Variants in SCARB1 observed in about 807,000 individuals in gnomAD.
The protein encoded by SCARB1 is CD36 and LIMPII analogous 1.
In SCARB1, 30 loss-of-function variants were observed where a neutral mutation model predicts 57.2. That is an observed-to-expected ratio of 0.52 (90% confidence interval 0.39 to 0.71). SCARB1 has a LOEUF of 0.71. Ranked by LOEUF, SCARB1 falls within the 30% of genes least tolerant of loss-of-function variation. The probability of loss-of-function intolerance (pLI) is 0.00; values close to 1 mark genes in which losing one functional copy is unlikely to be tolerated. For missense variants in SCARB1, 543 were observed against 671.2 expected, an observed-to-expected ratio of 0.81 and a Z score of 2.11; for synonymous variants, 249 against 268.3, an observed-to-expected ratio of 0.93 and a Z score of 0.70.
chr12:124,856,209 T>G (rs1345887564), intron 1 of SCARB1, among the ~76,000 whole-genome samples: 3 of 152,220 alleles, frequency 2.0e-5, no homozygotes, highest in Non-Finnish European at 4.4e-5. Flanking sequence ...CATAAACACG[T>G]GTGTTCATGT....
chr12:124,854,004 G>A (rs1379071293), intron 1 of SCARB1, among the ~76,000 whole-genome samples: 1 of 152,190 alleles, frequency 6.6e-6, no homozygotes, highest in Non-Finnish European at 1.5e-5. Context: ...CTTGGGTCAC[G>A]GCAACGAATA....
intron 1 of SCARB1, among the ~76,000 whole-genome samples, chr12:124,858,832 T>A (rs1347281258): frequency 6.7e-6 from 1 of 150,076 alleles, no homozygotes; most frequent in Admixed American, 6.7e-5. Context: ...TGAGCCGAGA[T>A]CGCACCACTG....
At position 124,798,160 on chromosome 12, in the gene SCARB1, C is replaced by G. The variant is rs148886901; in HGVS notation, c.1128+1964G>C. On this transcript the variant is annotated intron_variant, in intron 8 of 12. Transcript: ENST00000261693. ...GCGCGGCGGCTCACGCCTGGAATCCCAGCACTTTGGGAGGCCGAGGTGGAC... is the reference window on the plus strand; with the variant it reads ...GCGCGGCGGCTCACGCCTGGAATCCGAGCACTTTGGGAGGCCGAGGTGGAC... 2.5e-3 allele frequency among the ~76,000 whole-genome samples: 385 copies of G among 152,352 alleles called. 2 individuals carry two copies. Among genetic ancestry groups the G allele is most frequent in the African/African-American group, 8.6e-3 (357 of 41,582 alleles).
Position 124,814,982 on chromosome 12 carries a change from G to T in SCARB1, c.417C>A (p.Ile139=). 4 of 1,614,180 alleles carry T rather than the reference G, an allele frequency of 2.5e-6. No homozygotes were observed. The highest frequency in any genetic ancestry group is 3.3e-4 in the Middle Eastern group (2 of 6,062). ...SESDYIVMPN[I]LVLGAAVMME... ...CACAGGGCAGCCTCACCAAGACCAG[G>T]ATGTTGGGCATGACGATGTAGTCGC... Residue 139 remains isoleucine, a synonymous_variant, in exon 3 of 13, where the codon ATC becomes ATA. Transcript: ENST00000261693. The surrounding 1 kb of genome is among the most constrained non-coding windows in gnomAD (Gnocchi z 4.7).
In SCARB1 at chr12:124,788,833, A is replaced by G. The variant is rs116353119; in HGVS notation, c.1203-1376T>C. On this transcript the variant is annotated intron_variant, in intron 9 of 12. Coordinates refer to ENST00000261693, the MANE Select transcript of SCARB1 (RefSeq NM_005505.5). ...CCTAGAGATGCTCACACATGCACAC[A>G]GAGGCACAAAGATGTTCAGTGTTGC... is the stretch of plus-strand genomic sequence containing the variant. Among the ~76,000 whole-genome samples the G allele has an allele frequency of 5.5e-3, 832 of 152,358 alleles. 3 individuals are homozygous for G. The highest frequency in any genetic ancestry group is 0.019 in the African/African-American group (800 of 41,586).
chr12:124,863,768 G>T lies in SCARB1; in HGVS notation c.-48C>A, dbSNP rs1173016891. On this transcript the variant is annotated 5_prime_UTR_variant, in exon 1 of 13. Transcript: ENST00000261693. ...CGCGGCTCGCAGGGCTCCGCGCCTG[G>T]CAGGAGACGGGGACGGCGACAGAGA... The T allele has an allele frequency of 1.9e-5, 26 of 1,399,262 alleles. No individual in the cohort carries two copies. The highest frequency in any genetic ancestry group is 3.4e-5 in the Admixed American group (1 of 29,400). 86.7% of individuals were successfully genotyped at this position (1,399,262 alleles called of 1,614,324 possible).
intron 2 of SCARB1, 126 bp from the exon 3 acceptor site, chr12:124,815,240 G>A: frequency 4.5e-6 from 5 of 1,100,092 alleles, no homozygotes. Context: ...CGGCCCCACA[G>A]CCAAAGCTGA....
At chr12:124,824,233 C>A (rs950078431) in intron 1 of SCARB1, among the ~76,000 whole-genome samples, 5 of 151,612 alleles carry the variant, frequency 3.3e-5, no homozygotes, top group Admixed American at 2.6e-4. Flanking sequence ...AACACTGACA[C>A]ATGCCACCAC....
Position 124,782,819 on chromosome 12 carries a change from A to T in SCARB1, c.1402-8T>A. 1 of 1,614,110 alleles carries T rather than the reference A, an allele frequency of 6.2e-7. No individual in the cohort carries two copies. The highest frequency in any genetic ancestry group is 1.7e-5 in the Admixed American group (1 of 60,034). ...AAATAAATAGCATTTCTCCTAGAAGATAACCAAGCTAATTTATAGTTGACG... is the reference window on the plus strand; with the variant it reads ...AAATAAATAGCATTTCTCCTAGAAGTTAACCAAGCTAATTTATAGTTGACG... On this transcript the variant is annotated splice_region_variant and splice_polypyrimidine_tract_variant and intron_variant, in intron 11 of 12. Transcript: ENST00000261693.
intron 1 of SCARB1, among the ~76,000 whole-genome samples, chr12:124,838,497 A>T (rs1951781412): frequency 6.6e-6 from 1 of 152,144 alleles, no homozygotes; most frequent in African/African-American, 2.4e-5. Context: ...ACACGTCATG[A>T]AGCCAGCCAA....
chr12:124,813,681 C>T (rs530658677), intron 4 of SCARB1, among the ~76,000 whole-genome samples: 19 of 152,218 alleles, frequency 1.2e-4, no homozygotes, highest in Non-Finnish European at 2.2e-4. Flanking sequence ...ATCTATCACA[C>T]GCAGCACCAC....
intron 9 of SCARB1, among the ~76,000 whole-genome samples, chr12:124,791,514 A>G (rs1345823675): frequency 2.0e-5 from 3 of 152,208 alleles, no homozygotes; most frequent in African/African-American, 7.2e-5. Context: ...AGTGCTTGGC[A>G]CATTTATTAT....
chr12:124,787,406 C>T lies in SCARB1; in HGVS notation c.1254G>A (p.Glu418=). ...PVVLPLLWFA[E]SGAMEGETLH... is the part of the protein sequence containing the mutation. ...GACGCTGTGCCCAACGCACCCTTAC[C>T]TCTGCAAACCAGAGCAGCGGCAGGA... is the stretch of plus-strand genomic sequence containing the variant. Residue 418 remains glutamate (E), a splice_region_variant and synonymous_variant, in exon 10 of 13, where the codon GAG becomes GAA. Coordinates refer to ENST00000261693, the MANE Select transcript of SCARB1 (RefSeq NM_005505.5). 1 of 1,613,812 alleles carries T rather than the reference C, an allele frequency of 6.2e-7. No homozygotes were observed. The highest frequency in any genetic ancestry group is 8.5e-7 in the Non-Finnish European group (1 of 1,179,940).
At chr12:124,848,842 A>C (rs1321590403) in intron 1 of SCARB1, among the ~76,000 whole-genome samples, 1 of 152,146 alleles carries the variant, frequency 6.6e-6, no homozygotes, top group Non-Finnish European at 1.5e-5. Context: ...AGCGTGAGAA[A>C]CCCACGGTGC....
At chr12:124,827,113 A>G (rs939408849) in intron 1 of SCARB1, among the ~76,000 whole-genome samples, 2 of 152,206 alleles carry the variant, frequency 1.3e-5, no homozygotes, top group Non-Finnish European at 2.9e-5. Flanking sequence ...CTGTAGCAGG[A>G]CAAGTCACAG....
intron 1 of SCARB1, among the ~76,000 whole-genome samples, chr12:124,835,802 GC>G (rs1951625192): frequency 6.6e-6 from 1 of 152,184 alleles, no homozygotes; most frequent in Non-Finnish European, 1.5e-5. Flanking sequence ...CTGCCTTCTG[GC>G]TTCTTTTGGG....
intron 1 of SCARB1, among the ~76,000 whole-genome samples, chr12:124,855,227 C>T (rs1308313630): frequency 1.3e-5 from 2 of 152,298 alleles, no homozygotes; most frequent in South Asian, 2.1e-4. Flanking sequence ...CCTTCCCCCT[C>T]CCCAGCACAG....
intron 1 of SCARB1, among the ~76,000 whole-genome samples, chr12:124,860,267 A>T (rs1952839106): frequency 6.6e-6 from 1 of 152,234 alleles, no homozygotes; most frequent in African/African-American, 2.4e-5. Context: ...CATAGACATG[A>T]AATGTGGACA....
At chr12:124,815,594 A>G (rs1253518349) in intron 2 of SCARB1, among the ~76,000 whole-genome samples, 3 of 152,196 alleles carry the variant, frequency 2.0e-5, no homozygotes, top group Non-Finnish European at 2.9e-5. Flanking sequence ...GGTCGGGAGC[A>G]GTGGCTCATG....
Sources: gnomAD v4.1 joint callset for allele counts (sites outside exome capture counted in the v4.1 genomes callset) on GRCh38, gnomAD v4.1.1 for gene constraint, Gnocchi (gnomAD v3.1) non-coding constraint, MANE v1.5 for transcripts, NCBI Gene and HGNC (gene_info 2026-07-23, HGNC 2026-07-21) for gene names.